MIS18BP1: variants seen among roughly 807,000 people sequenced by gnomAD.
MIS18BP1 encodes the protein MIS18 binding protein 1.
MIS18BP1 carries 72 observed loss-of-function variants against 116.1 expected under a neutral mutation model. That is an observed-to-expected ratio of 0.62 (90% CI 0.51 to 0.75). The LOEUF (loss-of-function observed/expected upper bound fraction) is 0.75, where lower values mean the gene tolerates loss of function less well. Ranked by LOEUF, MIS18BP1 falls within the 30% of genes least tolerant of loss-of-function variation. The probability of loss-of-function intolerance (pLI) is 0.00; values close to 1 mark genes in which losing one functional copy is unlikely to be tolerated. For missense variants in MIS18BP1, 1,363 were observed against 1,303.2 expected, an observed-to-expected ratio of 1.05 and a Z score of -0.71; for synonymous variants, 386 against 427.0, an observed-to-expected ratio of 0.90 and a Z score of 1.18.
chr14:45,219,724 C>G (rs559656811), intron 11 of MIS18BP1, among the ~76,000 whole-genome samples: 1 of 152,250 alleles, frequency 6.6e-6, no homozygotes, highest in Admixed American at 6.5e-5. Flanking sequence ...TTAATGAATT[C>G]TTTTACATAA....
At chr14:45,232,847 A>G (rs1891326918) in intron 6 of MIS18BP1, 27 bp from the exon 7 acceptor site, 1 of 1,052,578 alleles carries the variant, frequency 9.5e-7, no homozygotes, top group South Asian at 1.4e-5. Flanking sequence ...AACAACAAAA[A>G]GTATTTAAAA....
intron 7 of MIS18BP1, among the ~76,000 whole-genome samples, chr14:45,232,207 G>C (rs892223340): frequency 3.3e-5 from 5 of 151,614 alleles, no homozygotes; most frequent in African/African-American, 1.2e-4. Flanking sequence ...AGGAGGTCAG[G>C]AGATCGAGAC....
At chr14:45,230,015 AAGG>A (rs5808293) in intron 8 of MIS18BP1, among the ~76,000 whole-genome samples, 12,597 of 152,228 alleles carry the variant, frequency 0.083, 646 homozygotes, top group South Asian at 0.16. Context: ...GCAAAGTTTC[AAGG>A]GTGGAAGTTC....
At position 45,204,431 on chromosome 14, in the gene MIS18BP1, G is replaced by A; in HGVS notation, c.3263C>T (p.Pro1088Leu). 1 of 1,604,530 alleles carries A rather than the reference G, an allele frequency of 6.2e-7. No homozygotes were observed. Among genetic ancestry groups the A allele is most frequent in the Non-Finnish European group, 8.5e-7 (1 of 1,176,756 alleles). Residue 1088 changes from proline to leucine, a missense_variant, in exon 16 of 17, where the codon CCA (proline) becomes CTA (leucine). Transcript: ENST00000310806. ...KKLVETDFST[P>L]TPRRKTPFNT... ...AAATGGGGTTTTCCTTCTTGGTGTT[G>A]GAGTTGAGAAATCAGTTTCAACCTA...
chr14:45,248,063 T>G (rs1891771800), intron 1 of MIS18BP1, among the ~76,000 whole-genome samples: 1 of 150,122 alleles, frequency 6.7e-6, no homozygotes, highest in African/African-American at 2.5e-5. Context: ...TCGTTTTTTT[T>G]TTTTTTTTTT....
chr14:45,203,620 A>G lies in MIS18BP1; in HGVS notation c.*489T>C, dbSNP rs1237161712. 2 of 152,308 alleles carry G rather than the reference A, an allele frequency of 1.3e-5. No individual in the cohort carries two copies. The highest frequency in any genetic ancestry group is 2.9e-5 in the Non-Finnish European group (2 of 68,126). 9.4% of individuals were successfully genotyped at this position (152,308 alleles called of 1,614,324 possible). A position where few individuals can be genotyped will look rare whatever the true frequency, so the allele number is the denominator to read the frequency against. On this transcript the variant is annotated 3_prime_UTR_variant, in exon 17 of 17. Coordinates refer to ENST00000310806, the MANE Select transcript of MIS18BP1 (RefSeq NM_018353.5). ...TGTAATTTAATTTCAACAATGTGTA[A>G]TTTAAACATTAGGTTTGGATAACAA...
Position 45,227,726 on chromosome 14 carries a change from C to A in MIS18BP1, c.1683G>T (p.Arg561Ser). Residue 561 changes from arginine (R) to serine (S), a missense_variant, in exon 9 of 17, where the codon AGG becomes AGT. Transcript: ENST00000310806. ...HSNCQNKPTL[R>S]FPDDQVNNTI... ...TATTATTTACTTGGTCATCTGGGAA[C>A]CTTAATGTTGGTTTATTTTGGCAAT... 1 of 1,613,800 alleles carries A rather than the reference C, an allele frequency of 6.2e-7. No homozygotes were observed. Among genetic ancestry groups the A allele is most frequent in the Non-Finnish European group, 8.5e-7 (1 of 1,179,776 alleles).
At chr14:45,220,189 C>G (rs1368000083) in intron 11 of MIS18BP1, among the ~76,000 whole-genome samples, 1 of 152,006 alleles carries the variant, frequency 6.6e-6, no homozygotes, top group African/African-American at 2.4e-5. Context: ...CCTCCAACTT[C>G]TGGGCTCAGG....
chr14:45,207,034 C>G (rs894248412), intron 14 of MIS18BP1, among the ~76,000 whole-genome samples: 2 of 151,954 alleles, frequency 1.3e-5, no homozygotes, highest in African/African-American at 4.8e-5. Context: ...AATTTTTTTT[C>G]TTTATTTCAT....
At position 45,203,403 on chromosome 14, in the gene MIS18BP1, T is replaced by C. The variant is rs1171762427; in HGVS notation, c.*706A>G. The C allele has an allele frequency of 1.3e-5, 2 of 152,158 alleles. No homozygotes were observed. The highest frequency in any genetic ancestry group is 4.8e-5 in the African/African-American group (2 of 41,432). 9.4% of individuals were successfully genotyped at this position (152,158 alleles called of 1,614,324 possible). A position where few individuals can be genotyped will look rare whatever the true frequency, so the allele number is the denominator to read the frequency against. ...ATGGTGGATCTATTAACTGTTTGTC[T>C]AATCTAGTCAAAATATTTAAGCTGT... On this transcript the variant is annotated 3_prime_UTR_variant, in exon 17 of 17. Coordinates refer to ENST00000310806, the MANE Select transcript of MIS18BP1 (RefSeq NM_018353.5).
intron 6 of MIS18BP1, 60 bp from the exon 7 acceptor site, chr14:45,232,880 C>G: frequency 1.3e-6 from 1 of 760,832 alleles, no homozygotes; most frequent in Middle Eastern, 3.8e-4. Flanking sequence ...AAACAGATAT[C>G]ATTAATTCAT....
At chr14:45,235,193 C>T in intron 6 of MIS18BP1, among the ~76,000 whole-genome samples, 1 of 139,998 alleles carries the variant, frequency 7.1e-6, no homozygotes, top group African/African-American at 2.7e-5. Flanking sequence ...GGCAACAGAG[C>T]AAGACTCCAT....
intron 4 of MIS18BP1, 57 bp downstream of exon 4, chr14:45,241,977 G>T: frequency 1.3e-6 from 2 of 1,505,770 alleles, no homozygotes. Flanking sequence ...AAAAGCTCAA[G>T]CTCTTGAAGA....
At chr14:45,237,834 A>G in intron 4 of MIS18BP1, 113 bp from the exon 5 acceptor site, 6 of 1,375,074 alleles carry the variant, frequency 4.4e-6, no homozygotes, top group Non-Finnish European at 5.7e-6. Flanking sequence ...AATATTCCTT[A>G]GTGTCATCGA....
intron 14 of MIS18BP1, among the ~76,000 whole-genome samples, chr14:45,207,809 G>A (rs767216265): frequency 2.0e-5 from 3 of 152,288 alleles, no homozygotes; most frequent in Admixed American, 6.5e-5. Context: ...AATTACTAGA[G>A]CTAGTAAAGT....
chr14:45,235,590 CA>C (rs77272289), intron 6 of MIS18BP1, among the ~76,000 whole-genome samples: 111 of 68,712 alleles, frequency 1.6e-3, no homozygotes, highest in Admixed American at 3.5e-3. Flanking sequence ...ACTCCATTTC[CA>C]AAAAAAAAAA....
chr14:45,213,543 A>G (rs1349455825), intron 13 of MIS18BP1, among the ~76,000 whole-genome samples: 1 of 152,232 alleles, frequency 6.6e-6, no homozygotes, highest in African/African-American at 2.4e-5. Flanking sequence ...GATAGGGAAT[A>G]TTTTAGGTTT....
chr14:45,235,700 T>A, intron 6 of MIS18BP1, 114 bp downstream of exon 6: 1 of 850,430 alleles, frequency 1.2e-6, no homozygotes, highest in East Asian at 3.1e-5. Flanking sequence ...TGTTTTGATT[T>A]ATTCATAATT....
chr14:45,221,639 T>G (rs1473797363), intron 11 of MIS18BP1, among the ~76,000 whole-genome samples: 1 of 152,208 alleles, frequency 6.6e-6, no homozygotes, highest in African/African-American at 2.4e-5. Flanking sequence ...ATTTCAGCTA[T>G]TTTAAATCTG....
Sources: gnomAD v4.1 joint callset for allele counts (sites outside exome capture counted in the v4.1 genomes callset) on GRCh38, gnomAD v4.1.1 for gene constraint, MANE v1.5 for transcripts, NCBI Gene and HGNC (gene_info 2026-07-23, HGNC 2026-07-21) for gene names.